The following MYRIP variants were observed in gnomAD, a reference collection of about 807,000 sequenced individuals.
MYRIP encodes myosin VIIA and Rab interacting protein.
In MYRIP, 49 loss-of-function variants were observed where a neutral mutation model predicts 98.0. The observed-to-expected ratio is 0.50, with a 90% CI of 0.40 to 0.63. MYRIP has a LOEUF of 0.63. Among genes scored for constraint, MYRIP ranks in the 30% least tolerant of loss-of-function variants. The probability of loss-of-function intolerance (pLI) is 0.00; values close to 1 mark genes in which losing one functional copy is unlikely to be tolerated. For missense variants in MYRIP, 1,004 were observed against 1,058.2 expected (o/e 0.95, Z 0.71); for synonymous variants, 404 against 409.5 (o/e 0.99, Z 0.16).
rs772363237 is a variant in MYRIP, at chr3:40,251,981, C to T, written c.2529C>T (p.Gly843=). The part of the protein sequence containing the change: ...SSTNRTKERK[G]TTKDLMEPAL... ...CAAACAGGACTAAGGAAAGGAAAGG[C>T]ACCACCAAGGATTTGATGGTAAATG... The change falls in exon 16 of 17, where the codon GGC becomes GGT. Residue 843 remains glycine, a synonymous_variant. Transcript: ENST00000302541. The T allele has an allele frequency of 1.9e-5, 31 of 1,609,206 alleles. No homozygotes were observed. The Admixed American group carries it at 2.7e-4, about 14-fold the overall frequency.
At chr3:40,096,489 G>A (rs552714314) in intron 3 of MYRIP, among the ~76,000 whole-genome samples, 1 of 152,302 alleles carries the variant, frequency 6.6e-6, no homozygotes, top group South Asian at 2.1e-4. Flanking sequence ...GTGTGTACAG[G>A]TAATTTTGAG....
At chr3:39,993,358 A>G (rs1347903320) in intron 2 of MYRIP, among the ~76,000 whole-genome samples, 2 of 152,268 alleles carry the variant, frequency 1.3e-5, no homozygotes, top group East Asian at 3.9e-4. Context: ...AATATATCAA[A>G]CCATAGCAAT....
rs145065227 is a variant in MYRIP, at chr3:39,851,514, AT to A, written c.-31+41602del. Among the ~76,000 whole-genome samples, 998 of 152,206 alleles carry A rather than the reference AT, an allele frequency of 6.6e-3. 53 individuals are homozygous for A. The East Asian group carries it at 0.15, about 23-fold the overall frequency. ...TCTCCATCTAATGCCATTAGAAATG[AT>A]TTTGCAGGAACTTCTGTCACCAAGT... On this transcript the variant is annotated intron_variant, in intron 1 of 16. Coordinates refer to ENST00000302541, the MANE Select transcript of MYRIP (RefSeq NM_015460.4).
chr3:40,014,555 C>G (rs1351234207), intron 2 of MYRIP, among the ~76,000 whole-genome samples: 2 of 152,166 alleles, frequency 1.3e-5, no homozygotes, highest in African/African-American at 4.8e-5. Flanking sequence ...GTCCACTACT[C>G]CCTGGACAGT....
rs769976709 is a variant in MYRIP at position 40,166,852 on chromosome 3, G to T, written c.557G>T (p.Ser186Ile). 1.9e-6 allele frequency: 3 copies of T among 1,608,664 alleles called. No individual in the cohort carries two copies. Among genetic ancestry groups the T allele is most frequent in the African/African-American group, 2.7e-5 (2 of 74,838 alleles). ...STFYRQSEGHSVMDTLAVALR... is the reference protein window; with the variant it reads ...STFYRQSEGHIVMDTLAVALR... ...TGTTCTGTTTCCTGTCTAGGACATA[G>T]TGTGATGGACACCTTGGCTGTGGCC... The change falls in exon 6 of 17, where the codon AGT becomes ATT. Residue 186 changes from serine (S) to isoleucine (I), a missense_variant. This residue lies in a region of MYRIP where 880 missense variants were observed against 907.7 expected (regional missense o/e 0.97). Coordinates refer to ENST00000302541, the MANE Select transcript of MYRIP (RefSeq NM_015460.4).
At chr3:40,241,870 T>A (rs1953025436) in intron 12 of MYRIP, among the ~76,000 whole-genome samples, 1 of 152,234 alleles carries the variant, frequency 6.6e-6, no homozygotes, top group Admixed American at 6.5e-5. Context: ...AAAGCTAGAA[T>A]AACATTTTCA....
intron 2 of MYRIP, among the ~76,000 whole-genome samples, chr3:39,908,740 G>GT (rs1943942830): frequency 6.6e-6 from 1 of 152,138 alleles, no homozygotes; most frequent in South Asian, 2.1e-4. Flanking sequence ...ACATTCCTTT[G>GT]TTTTTACTGT....
At chr3:39,944,380 G>C (rs945883734) in intron 2 of MYRIP, among the ~76,000 whole-genome samples, 1 of 151,992 alleles carries the variant, frequency 6.6e-6, no homozygotes, top group African/African-American at 2.4e-5. Context: ...AAAAGAATAA[G>C]GAAGTACTCT....
intron 11 of MYRIP, among the ~76,000 whole-genome samples, chr3:40,213,999 G>GTCT (rs1952040445): frequency 6.6e-6 from 1 of 152,098 alleles, no homozygotes; most frequent in African/African-American, 2.4e-5. Flanking sequence ...TGATACGGCA[G>GTCT]TCTTCTCTAC....
chr3:39,980,658 A>G (rs1443817767), intron 2 of MYRIP, among the ~76,000 whole-genome samples: 2 of 152,226 alleles, frequency 1.3e-5, no homozygotes, highest in African/African-American at 2.4e-5. Context: ...TCATTGCTCT[A>G]TATGATATTC....
intron 1 of MYRIP, among the ~76,000 whole-genome samples, chr3:39,838,830 G>C (rs1480781531): frequency 6.6e-6 from 1 of 152,102 alleles, no homozygotes; most frequent in Non-Finnish European, 1.5e-5. Flanking sequence ...CTGTGAATCT[G>C]TCTGGTTCTG....
At chr3:40,048,213 C>T (rs1947710477) in intron 3 of MYRIP, among the ~76,000 whole-genome samples, 1 of 152,134 alleles carries the variant, frequency 6.6e-6, no homozygotes, top group Admixed American at 6.6e-5. Flanking sequence ...TATGAGGTTA[C>T]ACAGATGACC....
chr3:40,143,195 A>C (rs1010623819), intron 3 of MYRIP, among the ~76,000 whole-genome samples: 2 of 152,244 alleles, frequency 1.3e-5, no homozygotes, highest in Non-Finnish European at 2.9e-5. Context: ...CCCTCAATAC[A>C]TAGTGAAAGA....
chr3:40,218,455 G>A (rs1241361944), intron 11 of MYRIP, among the ~76,000 whole-genome samples: 3 of 151,458 alleles, frequency 2.0e-5, no homozygotes, highest in Admixed American at 2.0e-4. Context: ...TGGTCTGATG[G>A]AAATATTCTA....
intron 2 of MYRIP, among the ~76,000 whole-genome samples, chr3:39,932,867 A>G (rs1944572139): frequency 6.6e-6 from 1 of 152,202 alleles, no homozygotes; most frequent in Admixed American, 6.5e-5. Flanking sequence ...CACTTCTCAG[A>G]GATGTGCTTA....
chr3:40,133,190 T>C (rs906946925), intron 3 of MYRIP, among the ~76,000 whole-genome samples: 2 of 152,238 alleles, frequency 1.3e-5, no homozygotes, highest in Admixed American at 6.5e-5. Flanking sequence ...AGAAAATTCA[T>C]GTCTATTGAG....
At chr3:39,872,071 A>G (rs1041226245) in intron 1 of MYRIP, among the ~76,000 whole-genome samples, 1 of 152,054 alleles carries the variant, frequency 6.6e-6, no homozygotes, top group Non-Finnish European at 1.5e-5. Flanking sequence ...GAGACAACTG[A>G]TGAATTTTTT....
intron 2 of MYRIP, among the ~76,000 whole-genome samples, chr3:39,909,503 A>G (rs1943965407): frequency 6.6e-6 from 1 of 152,182 alleles, no homozygotes; most frequent in East Asian, 1.9e-4. Context: ...TATATGAATA[A>G]TTAGGATGCT....
At chr3:40,188,750 C>G (rs1179746834) in intron 9 of MYRIP, among the ~76,000 whole-genome samples, 1 of 148,062 alleles carries the variant, frequency 6.8e-6, no homozygotes, top group East Asian at 2.0e-4. Flanking sequence ...GCACTGCAGC[C>G]TGGGCAACAA....
Sources: allele counts gnomAD v4.1 joint callset (sites outside exome capture counted in the v4.1 genomes callset), GRCh38; gene constraint gnomAD v4.1.1; regional missense constraint gnomAD v4.1.1; transcripts MANE v1.5; gene names NCBI Gene and HGNC (gene_info 2026-07-23, HGNC 2026-07-21).